Variants in ZBTB46 observed in about 807,000 individuals in gnomAD.
ZBTB46 encodes zinc finger and BTB domain containing 46, also known as zinc finger and BTB domain-containing protein 46.
ZBTB46 carries 8 observed loss-of-function variants against 44.1 expected under a neutral mutation model. That is an observed-to-expected ratio of 0.18 (90% confidence interval 0.11 to 0.33). The LOEUF (loss-of-function observed/expected upper bound fraction) is 0.33. ZBTB46 is among the 10% of genes least tolerant of loss of function. The pLI is 1.00. For missense variants in ZBTB46, 651 were observed against 847.7 expected, an observed-to-expected ratio of 0.77 and a Z score of 2.88; for synonymous variants, 409 against 382.3, an observed-to-expected ratio of 1.07 and a Z score of -0.81.
At chr20:63,756,231 A>C (rs1273572671) in intron 3 of ZBTB46, among the ~76,000 whole-genome samples, 1 of 152,220 alleles carries the variant, frequency 6.6e-6, no homozygotes, top group Non-Finnish European at 1.5e-5. Context: ...TAGCCACTGT[A>C]CCAGGGAACA....
intron 2 of ZBTB46, among the ~76,000 whole-genome samples, chr20:63,779,522 C>T (rs2092452442): frequency 6.7e-6 from 1 of 150,146 alleles, no homozygotes; most frequent in East Asian, 2.0e-4. Context: ...CAGGTTCACG[C>T]CATTCTCCTG....
At chr20:63,793,881 A>G (rs1348900356) in intron 1 of ZBTB46, among the ~76,000 whole-genome samples, 1 of 152,204 alleles carries the variant, frequency 6.6e-6, no homozygotes, top group Non-Finnish European at 1.5e-5. Context: ...TAAAATTTTC[A>G]TTTGGGAAAA....
intron 1 of ZBTB46, among the ~76,000 whole-genome samples, chr20:63,828,410 A>C (rs2092831064): frequency 6.6e-6 from 1 of 152,224 alleles, no homozygotes; most frequent in African/African-American, 2.4e-5. Context: ...TGAATCAAAC[A>C]TTTATTCTTA....
intron 3 of ZBTB46, among the ~76,000 whole-genome samples, chr20:63,763,963 T>C (rs979662668): frequency 6.6e-6 from 1 of 152,074 alleles, no homozygotes; most frequent in African/African-American, 2.4e-5. Flanking sequence ...TGCTTTCTTT[T>C]TTCTTTTTCT....
At chr20:63,819,290 G>A (rs906463959) in intron 1 of ZBTB46, among the ~76,000 whole-genome samples, 18 of 152,138 alleles carry the variant, frequency 1.2e-4, no homozygotes, top group African/African-American at 2.7e-4. Flanking sequence ...AACATTAAGC[G>A]AACAGAGAGC....
Position 63,762,308 on chromosome 20 carries a change from T to C in ZBTB46, c.1223-9447A>G, listed in dbSNP as rs529096036. ...GTGTTTTAAAACCCCCAATTGTAAT[T>C]GTGAAGTTATCTCTTTTTTTAGTTC... is the stretch of plus-strand genomic sequence containing the variant. On this transcript the variant is annotated intron_variant, in intron 3 of 4. Coordinates refer to ENST00000245663, the MANE Select transcript of ZBTB46 (RefSeq NM_001369741.1). Among the ~76,000 whole-genome samples the C allele has an allele frequency of 5.3e-5, 8 of 152,300 alleles. No individual in the cohort carries two copies. In the South Asian group the frequency reaches 1.7e-3, roughly 32 times the overall value.
chr20:63,805,779 G>A (rs1193697475), intron 1 of ZBTB46, among the ~76,000 whole-genome samples: 53 of 149,734 alleles, frequency 3.5e-4, no homozygotes, highest in Non-Finnish European at 5.5e-4. Flanking sequence ...TTTTTGAGAC[G>A]GAGTCTCGCT....
chr20:63,800,754 C>G (rs1374181819), intron 1 of ZBTB46, among the ~76,000 whole-genome samples: 1 of 152,234 alleles, frequency 6.6e-6, no homozygotes, highest in Non-Finnish European at 1.5e-5. Context: ...GATTTCTCGC[C>G]GGCCCTAGCT....
intron 2 of ZBTB46, among the ~76,000 whole-genome samples, chr20:63,777,070 C>T (rs1307364963): frequency 1.4e-4 from 6 of 43,604 alleles, no homozygotes; most frequent in African/African-American, 1.9e-4. Context: ...TTCCAGCACA[C>T]GCCACGGTTC....
At chr20:63,799,889 G>A (rs2092630634) in intron 1 of ZBTB46, among the ~76,000 whole-genome samples, 2 of 152,156 alleles carry the variant, frequency 1.3e-5, no homozygotes, top group Non-Finnish European at 2.9e-5. Flanking sequence ...TGCAGCCGCT[G>A]TGGAAAACAG....
Position 63,775,975 on chromosome 20 carries a change from GGAC to G in ZBTB46, c.938-16_938-14del. On this transcript the variant is annotated splice_polypyrimidine_tract_variant and intron_variant, in intron 2 of 4. Transcript: ENST00000245663. ...GACAGGTCCGCATCTGGGGACAGAG[GGAC>G]ACACGTCAGAAGACACGGGTCGTTC... 1.3e-6 allele frequency: 2 copies of G among 1,537,188 alleles called. No homozygotes were observed. Among genetic ancestry groups the G allele is most frequent in the Non-Finnish European group, 1.7e-6 (2 of 1,147,856 alleles).
At chr20:63,809,065 C>CTCGGTGCT (rs2092702528) in intron 1 of ZBTB46, among the ~76,000 whole-genome samples, 1 of 151,726 alleles carries the variant, frequency 6.6e-6, no homozygotes, top group Non-Finnish European at 1.5e-5. Context: ...GAGCTGGCGG[C>CTCGGTGCT]TCGGTGCTCC....
At chr20:63,772,760 CACA>C (rs565876486) in intron 3 of ZBTB46, among the ~76,000 whole-genome samples, 14 of 72,582 alleles carry the variant, frequency 1.9e-4, no homozygotes, top group Admixed American at 9.2e-4. Flanking sequence ...CACACACACA[CACA>C]CACAGAAGTG....
At chr20:63,805,326 TG>T (rs2146000365) in intron 1 of ZBTB46, among the ~76,000 whole-genome samples, 2 of 152,260 alleles carry the variant, frequency 1.3e-5, no homozygotes, top group Admixed American at 1.3e-4. Context: ...CCGGGCAGTG[TG>T]GTACACACCT....
chr20:63,773,477 C>T (rs192082290), intron 3 of ZBTB46, among the ~76,000 whole-genome samples: 199 of 152,224 alleles, frequency 1.3e-3, no homozygotes, highest in African/African-American at 4.6e-3. Flanking sequence ...ACCAGCTGTA[C>T]CTGGGGTGCT....
intron 1 of ZBTB46, among the ~76,000 whole-genome samples, chr20:63,826,252 C>T (rs1442306420): frequency 1.3e-5 from 2 of 152,212 alleles, no homozygotes; most frequent in Non-Finnish European, 2.9e-5. Context: ...GCAATGCTGC[C>T]CGACTTTCAG....
chr20:63,823,365 G>A (rs540047648), intron 1 of ZBTB46, among the ~76,000 whole-genome samples: 2 of 151,948 alleles, frequency 1.3e-5, no homozygotes, highest in East Asian at 3.9e-4. Flanking sequence ...GGGTGTGGTG[G>A]CACACGCCTA....
chr20:63,806,805 T>C (rs1159846966), intron 1 of ZBTB46, among the ~76,000 whole-genome samples: 7 of 151,140 alleles, frequency 4.6e-5, no homozygotes, highest in Admixed American at 3.3e-4. Flanking sequence ...TTTTTTGAGA[T>C]GGAGTCTCGC....
chr20:63,831,152 C>G lies in ZBTB46; in HGVS notation c.-89G>C, dbSNP rs1243196212. ...GGCGCCGCGGCCGCCGGGCCGGCGC[C>G]GGTGATCGCCGCCGCCGCCGGGAGG... On this transcript the variant is annotated 5_prime_UTR_variant, in exon 1 of 5. Coordinates refer to ENST00000245663, the MANE Select transcript of ZBTB46 (RefSeq NM_001369741.1). 1 of 141,906 alleles carries G rather than the reference C, an allele frequency of 7.0e-6. No individual in the cohort carries two copies. The highest frequency in any genetic ancestry group is 1.6e-5 in the Non-Finnish European group (1 of 64,268). 8.8% of individuals were successfully genotyped at this position (141,906 alleles called of 1,614,324 possible). A position where few individuals can be genotyped will look rare whatever the true frequency, so the allele number is the denominator to read the frequency against.
Sources: allele counts gnomAD v4.1 joint callset (sites outside exome capture counted in the v4.1 genomes callset), GRCh38; gene constraint gnomAD v4.1.1; transcripts MANE v1.5; gene names NCBI Gene and HGNC (gene_info 2026-07-23, HGNC 2026-07-21).